Variants in ASTN1 observed in about 807,000 individuals in gnomAD.
ASTN1 encodes the protein astrotactin-1.
In ASTN1, 41 loss-of-function variants were observed where a neutral mutation model predicts 140.7. The ratio of observed to expected loss-of-function variants is 0.29; its 90% CI spans 0.23 to 0.38. ASTN1 has a LOEUF of 0.38. Among genes scored for constraint, ASTN1 ranks in the 10% least tolerant of loss-of-function variants. The probability of loss-of-function intolerance (pLI) is 1.00; values close to 1 mark genes in which losing one functional copy is unlikely to be tolerated. For missense variants in ASTN1, 1,479 were observed against 1,678.8 expected, an observed-to-expected ratio of 0.88 and a Z score of 2.08; for synonymous variants, 640 against 652.2, an observed-to-expected ratio of 0.98 and a Z score of 0.29.
At chr1:176,936,433 C>T (rs1308693899) in intron 14 of ASTN1, 63 bp from the exon 15 acceptor site, 6 of 1,304,140 alleles carry the variant, frequency 4.6e-6, no homozygotes, top group African/African-American at 4.4e-5. Context: ...AATCAAAAAG[C>T]ATGACCCACC....
intron 2 of ASTN1, among the ~76,000 whole-genome samples, chr1:177,058,807 C>T (rs1677934456): frequency 6.7e-6 from 1 of 150,218 alleles, no homozygotes; most frequent in African/African-American, 2.5e-5. Flanking sequence ...GTATACCCAC[C>T]CCCACAAACA....
At chr1:177,128,506 C>A (rs1175921745) in intron 1 of ASTN1, among the ~76,000 whole-genome samples, 1 of 152,152 alleles carries the variant, frequency 6.6e-6, no homozygotes, top group Non-Finnish European at 1.5e-5. Flanking sequence ...TATTCTTACC[C>A]TTCATTTGGA....
chr1:176,894,248 C>T (rs557591756), intron 17 of ASTN1, among the ~76,000 whole-genome samples: 1 of 152,292 alleles, frequency 6.6e-6, no homozygotes, highest in Admixed American at 6.5e-5. Context: ...CCCCAAGGCA[C>T]GAGGGTTCTC....
chr1:177,045,641 G>C (rs1343390478), intron 2 of ASTN1, among the ~76,000 whole-genome samples: 1 of 152,186 alleles, frequency 6.6e-6, no homozygotes, highest in Non-Finnish European at 1.5e-5. Context: ...TTTAGAGCGT[G>C]TGAGGACTTC....
chr1:177,018,222 C>G (rs1459206472), intron 7 of ASTN1, among the ~76,000 whole-genome samples: 2 of 152,072 alleles, frequency 1.3e-5, no homozygotes, highest in Non-Finnish European at 2.9e-5. Context: ...AAAAGAACAT[C>G]CTAAAGGAAG....
intron 16 of ASTN1, among the ~76,000 whole-genome samples, chr1:176,903,277 TTCTCTCTC>T (rs138995649): frequency 4.0e-5 from 6 of 150,338 alleles, no homozygotes; most frequent in African/African-American, 1.2e-4. Flanking sequence ...AAGTGTTTCC[TTCTCTCTC>T]TCTCTCTCTC....
At chr1:177,032,342 T>G in intron 3 of ASTN1, 114 bp downstream of exon 3, 1 of 1,394,946 alleles carries the variant, frequency 7.2e-7, no homozygotes, top group East Asian at 2.3e-5. Flanking sequence ...GGAAGGGCAC[T>G]GCCACATCAC....
chr1:176,988,368 G>T (rs1355379227), intron 8 of ASTN1, among the ~76,000 whole-genome samples: 5 of 147,738 alleles, frequency 3.4e-5, no homozygotes, highest in South Asian at 2.2e-4. Flanking sequence ...TTTGAACTTT[G>T]TCCAGGACAG....
chr1:177,110,387 G>A (rs967374778), intron 1 of ASTN1, among the ~76,000 whole-genome samples: 2 of 152,166 alleles, frequency 1.3e-5, no homozygotes, highest in South Asian at 2.1e-4. Context: ...TCATTGTACC[G>A]TTTTGGCTGG....
chr1:176,882,753 C>T (rs1668858362), intron 20 of ASTN1, 106 bp downstream of exon 20: 3 of 1,466,780 alleles, frequency 2.0e-6, no homozygotes, highest in South Asian at 2.5e-5. Flanking sequence ...AGAGACTCAA[C>T]ATGTTTTGCT....
At chr1:176,970,015 G>A (rs1036200302) in intron 8 of ASTN1, among the ~76,000 whole-genome samples, 4 of 152,196 alleles carry the variant, frequency 2.6e-5, no homozygotes, top group Admixed American at 1.3e-4. Context: ...ACATGGAAAC[G>A]CGTATGCTGA....
intron 11 of ASTN1, among the ~76,000 whole-genome samples, chr1:176,956,314 C>T (rs559393611): frequency 6.6e-6 from 1 of 152,224 alleles, no homozygotes; most frequent in East Asian, 1.9e-4. Flanking sequence ...CTCCTGTCAA[C>T]TGCTGCCTCA....
intron 9 of ASTN1, 128 bp from the exon 10 acceptor site, chr1:176,958,610 T>C: frequency 7.8e-7 from 1 of 1,285,496 alleles, no homozygotes. Flanking sequence ...GACTGCCTTT[T>C]TATGGGTGCA....
intron 17 of ASTN1, among the ~76,000 whole-genome samples, chr1:176,889,992 T>C (rs554635157): frequency 6.6e-6 from 1 of 152,192 alleles, no homozygotes; most frequent in Non-Finnish European, 1.5e-5. Flanking sequence ...TCCTTTGAGA[T>C]AGGTAGAATA....
intron 1 of ASTN1, among the ~76,000 whole-genome samples, chr1:177,141,218 AAAAC>A (rs1029611795): frequency 5.3e-5 from 8 of 152,172 alleles, no homozygotes; most frequent in South Asian, 2.1e-4. Context: ...TTCCATCTCA[AAAAC>A]AAACAAACAA....
intron 1 of ASTN1, among the ~76,000 whole-genome samples, chr1:177,112,407 C>A (rs753051778): frequency 6.6e-6 from 1 of 152,188 alleles, no homozygotes; most frequent in Non-Finnish European, 1.5e-5. Context: ...CTGGTGGAGG[C>A]TCTGCCTGCC....
At chr1:177,065,403 T>G (rs1247177492) in intron 1 of ASTN1, among the ~76,000 whole-genome samples, 2 of 152,216 alleles carry the variant, frequency 1.3e-5, no homozygotes, top group African/African-American at 4.8e-5. Flanking sequence ...ACACTATATT[T>G]GCCACATTCA....
intron 21 of ASTN1, among the ~76,000 whole-genome samples, chr1:176,872,832 C>G (rs1668405364): frequency 6.6e-6 from 1 of 152,206 alleles, no homozygotes; most frequent in Non-Finnish European, 1.5e-5. Context: ...CCCTCACCTT[C>G]TTCCCAAGCC....
chr1:176,928,621 G>C (rs917849991), intron 16 of ASTN1, among the ~76,000 whole-genome samples: 7 of 152,176 alleles, frequency 4.6e-5, no homozygotes, highest in Non-Finnish European at 8.8e-5. Flanking sequence ...GGGCAATTTA[G>C]ATAGATTGAG....
Sources: allele counts gnomAD v4.1 joint callset (sites outside exome capture counted in the v4.1 genomes callset), GRCh38; gene constraint gnomAD v4.1.1; transcripts MANE v1.5; gene names NCBI Gene and HGNC (gene_info 2026-07-23, HGNC 2026-07-21).